The following PLXNC1 variants were observed in gnomAD, a reference collection of about 807,000 sequenced individuals.
PLXNC1 encodes the protein plexin C1.
A neutral mutation model predicts 178.2 loss-of-function variants in PLXNC1; 75 were observed. That is an observed-to-expected ratio of 0.42 (90% CI 0.35 to 0.51). PLXNC1 has a LOEUF of 0.51. PLXNC1 is among the 20% of genes least tolerant of loss of function. PLXNC1 has a pLI of 0.02. For synonymous variants in PLXNC1, 790 were observed against 779.9 expected (o/e 1.01, Z -0.22); for missense variants, 1,503 against 1,984.4 (o/e 0.76, Z 4.61).
intron 15 of PLXNC1, 45 bp downstream of exon 15, chr12:94,251,573 C>A: frequency 8.0e-7 from 1 of 1,242,758 alleles, no homozygotes; most frequent in Non-Finnish European, 1.2e-6. Flanking sequence ...TTCCCTGGGG[C>A]CTCTCGCCGG....
In PLXNC1 at chr12:94,275,747, T is replaced by C. The variant is rs1269782301; in HGVS notation, c.3598-3725T>C. ...GCGGGCGCCTGTAGTCCCAGCTACT[T>C]GGGAGGCTGAGGCAGGAGAATGGCG... On this transcript the variant is annotated intron_variant, in intron 21 of 30. Transcript: ENST00000258526. 1.7e-4 allele frequency among the ~76,000 whole-genome samples: 21 copies of C among 121,532 alleles called. 5 individuals carry two copies. In the East Asian group the frequency reaches 2.6e-3, roughly 15 times the overall value. 79.7% of individuals were successfully genotyped at this position (121,532 alleles called of 152,430 possible).
At chr12:94,244,110 T>C (rs76373815) in intron 12 of PLXNC1, 85 bp downstream of exon 12, 26,415 of 725,988 alleles carry the variant, frequency 0.036, 612 homozygotes, top group Middle Eastern at 0.044. Flanking sequence ...GGGGTATTTT[T>C]TGTTTCTGTG....
At chr12:94,188,754 G>T (rs530129818) in intron 4 of PLXNC1, among the ~76,000 whole-genome samples, 9 of 152,366 alleles carry the variant, frequency 5.9e-5, no homozygotes, top group African/African-American at 1.9e-4. Context: ...TCAGCAGGTG[G>T]AAGAAAATAT....
chr12:94,304,090 A>C, intron 30 of PLXNC1, 39 bp downstream of exon 30: 1 of 1,237,128 alleles, frequency 8.1e-7, no homozygotes, highest in Non-Finnish European at 1.2e-6. Flanking sequence ...CCTTTGAATC[A>C]GGCACAAGGA....
chr12:94,161,447 A>G (rs1785540521), intron 1 of PLXNC1, among the ~76,000 whole-genome samples: 1 of 152,218 alleles, frequency 6.6e-6, no homozygotes, highest in Non-Finnish European at 1.5e-5. Flanking sequence ...TTTGAACTTG[A>G]AACCACATAT....
At chr12:94,252,872 C>A (rs1191038805) in intron 15 of PLXNC1, among the ~76,000 whole-genome samples, 1 of 152,172 alleles carries the variant, frequency 6.6e-6, no homozygotes, top group Non-Finnish European at 1.5e-5. Flanking sequence ...CATTTGAAGT[C>A]TATTTTCTCT....
rs545418485 is a variant in PLXNC1, at chr12:94,192,085, T to C, written c.1439+5612T>C. ...AGTTTGTTTGGCATGCAGAATGCAT[T>C]TTCCCATAGAAACAATGTCATAAAT... On this transcript the variant is annotated intron_variant, in intron 4 of 30. Coordinates refer to ENST00000258526, the MANE Select transcript of PLXNC1 (RefSeq NM_005761.3). 2.0e-5 allele frequency among the ~76,000 whole-genome samples: 3 copies of C among 152,208 alleles called. No homozygotes were observed. The South Asian group carries it at 6.2e-4, about 31-fold the overall frequency.
At chr12:94,219,595 G>A (rs1421000389) in intron 5 of PLXNC1, among the ~76,000 whole-genome samples, 2 of 152,092 alleles carry the variant, frequency 1.3e-5, no homozygotes, top group East Asian at 3.8e-4. Context: ...GATGCCACAA[G>A]CAAAAGTTAC....
intron 1 of PLXNC1, among the ~76,000 whole-genome samples, chr12:94,150,427 G>A (rs1375463385): frequency 6.6e-6 from 1 of 152,228 alleles, no homozygotes; most frequent in African/African-American, 2.4e-5. Flanking sequence ...GTCCCAGCAG[G>A]CGTGTGGGTC....
chr12:94,281,512 T>A (rs1057300949), intron 22 of PLXNC1, among the ~76,000 whole-genome samples: 2 of 152,150 alleles, frequency 1.3e-5, no homozygotes, highest in African/African-American at 4.8e-5. Flanking sequence ...GGACTACAGA[T>A]TGTATTACTA....
chr12:94,168,811 A>T (rs1961728697), intron 1 of PLXNC1, among the ~76,000 whole-genome samples: 1 of 152,234 alleles, frequency 6.6e-6, no homozygotes, highest in African/African-American at 2.4e-5. Flanking sequence ...GCCAAGTATA[A>T]GATAGTCTGC....
Position 94,303,986 on chromosome 12 carries a change from A to C in PLXNC1, c.4537A>C (p.Asn1513His). 6.2e-7 allele frequency: 1 copy of C among 1,602,472 alleles called. No individual in the cohort carries two copies. Among genetic ancestry groups the C allele is most frequent in the Non-Finnish European group, 8.5e-7 (1 of 1,170,060 alleles). ...CAAGTCTTTCTTTTAGAAACATGAA[A>C]ATGAATTTAATGAAGAAGTGGCCTT... ...FLTQESKKHE[N>H]EFNEEVALTE... The change falls in exon 30 of 31, where the codon AAT becomes CAT. Residue 1513 changes from asparagine to histidine, a missense_variant. Transcript: ENST00000258526.
chr12:94,265,813 C>T (rs1965201069), intron 21 of PLXNC1, among the ~76,000 whole-genome samples: 1 of 151,884 alleles, frequency 6.6e-6, no homozygotes, highest in African/African-American at 2.4e-5. Context: ...GAGGGTTTCA[C>T]CCGCTTGAGA....
At chr12:94,213,727 C>T (rs1201550925) in intron 5 of PLXNC1, among the ~76,000 whole-genome samples, 1 of 152,182 alleles carries the variant, frequency 6.6e-6, no homozygotes, top group Non-Finnish European at 1.5e-5. Flanking sequence ...AGTCTTTGCC[C>T]ATGCCTATGT....
intron 5 of PLXNC1, among the ~76,000 whole-genome samples, chr12:94,217,007 C>G (rs1007673249): frequency 2.6e-5 from 4 of 152,186 alleles, no homozygotes; most frequent in Non-Finnish European, 5.9e-5. Context: ...AAAATACCTT[C>G]ACCTCACTGG....
At chr12:94,179,798 G>A (rs1962241558) in intron 2 of PLXNC1, among the ~76,000 whole-genome samples, 1 of 150,328 alleles carries the variant, frequency 6.7e-6, no homozygotes, top group Non-Finnish European at 1.5e-5. Flanking sequence ...TTGCAATCTA[G>A]TAACAGATTA....
intron 17 of PLXNC1, among the ~76,000 whole-genome samples, chr12:94,257,417 G>C: frequency 6.6e-6 from 1 of 152,200 alleles, no homozygotes; most frequent in African/African-American, 2.4e-5. Context: ...ATAAGGGTAG[G>C]CAGAGGATCT....
intron 1 of PLXNC1, among the ~76,000 whole-genome samples, chr12:94,162,263 G>T (rs1032526522): frequency 1.3e-5 from 2 of 152,160 alleles, no homozygotes; most frequent in Admixed American, 6.5e-5. Context: ...AGTGAAGGGG[G>T]GTGGGGCTAG....
intron 27 of PLXNC1, among the ~76,000 whole-genome samples, chr12:94,300,407 G>C (rs536229552): frequency 6.6e-6 from 1 of 152,296 alleles, no homozygotes; most frequent in Non-Finnish European, 1.5e-5. Flanking sequence ...TGAGGCACGT[G>C]CTTGCTTGGC....
Sources: allele counts gnomAD v4.1 joint callset (sites outside exome capture counted in the v4.1 genomes callset), GRCh38; gene constraint gnomAD v4.1.1; transcripts MANE v1.5; gene names NCBI Gene and HGNC (gene_info 2026-07-23, HGNC 2026-07-21).